The following DCC variants were observed in gnomAD, a reference collection of about 807,000 sequenced individuals.
DCC encodes the protein netrin receptor DCC.
Under a neutral mutation model 172.5 loss-of-function variants are expected in DCC, and 58 were observed. The ratio of observed to expected loss-of-function variants is 0.34; its 90% CI spans 0.27 to 0.42. The LOEUF is 0.42. Among genes scored for constraint, DCC ranks in the 10% least tolerant of loss-of-function variants. DCC has a pLI of 1.00. For missense variants in DCC, 1,740 were observed against 1,791.0 expected (o/e 0.97, Z 0.51); for synonymous variants, 709 against 644.5 (o/e 1.10, Z -1.52).
chr18:53,410,093 T>C (rs1308582580), intron 19 of DCC, among the ~76,000 whole-genome samples: 9 of 152,226 alleles, frequency 5.9e-5, no homozygotes, highest in African/African-American at 1.9e-4. Flanking sequence ...ATTTTCATCA[T>C]TGGACTACAG....
intron 19 of DCC, among the ~76,000 whole-genome samples, chr18:53,403,230 A>G (rs1176696445): frequency 1.3e-5 from 2 of 152,162 alleles, no homozygotes; most frequent in Non-Finnish European, 2.9e-5. Flanking sequence ...CTGAGTATAA[A>G]TGTCTATAAA....
At chr18:53,035,739 G>T (rs973080136) in intron 5 of DCC, among the ~76,000 whole-genome samples, 10 of 151,988 alleles carry the variant, frequency 6.6e-5, no homozygotes, top group African/African-American at 2.2e-4. Context: ...AGCCTTTATA[G>T]ACTGCACTAT....
chr18:53,458,451 T>A (rs1014782947), intron 23 of DCC, among the ~76,000 whole-genome samples: 1 of 152,218 alleles, frequency 6.6e-6, no homozygotes, highest in African/African-American at 2.4e-5. Context: ...ACTGACCCCC[T>A]GCTGTAGAGA....
At position 53,159,008 on chromosome 18, in the gene DCC, A is replaced by AAAAAAAAAAAAAAAAAAAAAAAAAAG. The variant is rs34406723; in HGVS notation, c.1418+1496_1418+1497insAAAAAAAAAAAAAAAAAAAAAAAAAG. Among the ~76,000 whole-genome samples, 44 of 119,162 alleles carry AAAAAAAAAAAAAAAAAAAAAAAAAAG rather than the reference A, an allele frequency of 3.7e-4. 4 individuals are homozygous for AAAAAAAAAAAAAAAAAAAAAAAAAAG. Among genetic ancestry groups the AAAAAAAAAAAAAAAAAAAAAAAAAAG allele is most frequent in the African/African-American group, 9.5e-4 (29 of 30,648 alleles). 78.2% of individuals were successfully genotyped at this position (119,162 alleles called of 152,430 possible). ...CATCTCAAAAAAAAAAAAAAAAAGA[A>AAAAAAAAAAAAAAAAAAAAAAAAAAG]GAAGATGTAGGCATACCCATATTGC... On this transcript the variant is annotated intron_variant, in intron 8 of 28. Transcript: ENST00000442544.
rs115669072 is a variant in DCC, at chr18:52,392,889, C to G, written c.91+52011C>G. ...AATACCAATAGCATCCTGTTTCTGG[C>G]AAAAAGGAGGAAGAATATAATGTTA... On this transcript the variant is annotated intron_variant, in intron 1 of 28. Coordinates refer to ENST00000442544, the MANE Select transcript of DCC (RefSeq NM_005215.4). 9.2e-3 allele frequency among the ~76,000 whole-genome samples: 1,395 copies of G among 152,002 alleles called. 23 individuals carry two copies. Among genetic ancestry groups the G allele is most frequent in the African/African-American group, 0.032 (1,310 of 41,492 alleles).
chr18:52,442,882 C>T (rs1300930097), intron 1 of DCC, among the ~76,000 whole-genome samples: 1 of 152,108 alleles, frequency 6.6e-6, no homozygotes, highest in East Asian at 1.9e-4. Context: ...TCATGGGGAT[C>T]AGGGGTAAAG....
chr18:53,410,777 TTAAAA>T, intron 20 of DCC, 131 bp downstream of exon 20: 1 of 692,028 alleles, frequency 1.4e-6, no homozygotes, highest in Non-Finnish European at 2.6e-6. Flanking sequence ...TCAAAATAAA[TTAAAA>T]TGTAGCTTTT....
intron 1 of DCC, among the ~76,000 whole-genome samples, chr18:52,731,609 G>T (rs1415451306): frequency 2.0e-5 from 3 of 152,110 alleles, no homozygotes; most frequent in Non-Finnish European, 4.4e-5. Flanking sequence ...TATTAATACA[G>T]TAGAGTGATC....
chr18:52,911,708 A>C (rs1168442099), intron 3 of DCC, among the ~76,000 whole-genome samples: 1 of 144,620 alleles, frequency 6.9e-6, no homozygotes, highest in Non-Finnish European at 1.5e-5. Flanking sequence ...GCATTACCTG[A>C]TATTTTTGTC....
chr18:52,348,941 G>A (rs891343272), intron 1 of DCC, among the ~76,000 whole-genome samples: 1 of 152,164 alleles, frequency 6.6e-6, no homozygotes, highest in Non-Finnish European at 1.5e-5. Context: ...GAAGCAGGAT[G>A]CTGGGATGCC....
At chr18:53,135,925 T>C (rs1049048242) in intron 7 of DCC, among the ~76,000 whole-genome samples, 4 of 152,142 alleles carry the variant, frequency 2.6e-5, no homozygotes, top group Non-Finnish European at 4.4e-5. Context: ...GCAACTTCTA[T>C]TGATGAAATA....
intron 2 of DCC, among the ~76,000 whole-genome samples, chr18:52,773,797 G>A (rs1035586126): frequency 1.1e-4 from 16 of 152,070 alleles, no homozygotes; most frequent in African/African-American, 3.9e-4. Flanking sequence ...CTAAAGTGCT[G>A]GGATTACAGG....
At chr18:52,628,128 A>G (rs1216171955) in intron 1 of DCC, among the ~76,000 whole-genome samples, 3 of 152,174 alleles carry the variant, frequency 2.0e-5, no homozygotes, top group Non-Finnish European at 4.4e-5. Flanking sequence ...AACTGTGAAA[A>G]TGGTTCACAT....
chr18:52,897,908 A>T lies in DCC; in HGVS notation c.413-8136A>T, dbSNP rs147038965. ...GCTTGCAGAGGGATGTGGCAAGTAC[A>T]GGCCAAAATGAGCTTCTACCAAATG... is the stretch of plus-strand genomic sequence containing the variant. On this transcript the variant is annotated intron_variant, in intron 2 of 28. Coordinates refer to ENST00000442544, the MANE Select transcript of DCC (RefSeq NM_005215.4). Among the ~76,000 whole-genome samples the T allele has an allele frequency of 5.4e-3, 825 of 152,360 alleles. 6 individuals carry two copies. Among genetic ancestry groups the T allele is most frequent in the African/African-American group, 0.019 (793 of 41,588 alleles).
intron 5 of DCC, among the ~76,000 whole-genome samples, chr18:52,987,726 C>T (rs986074692): frequency 1.3e-5 from 2 of 152,110 alleles, no homozygotes; most frequent in African/African-American, 4.8e-5. Flanking sequence ...GGACCACAAG[C>T]ATGGAAACTT....
intron 15 of DCC, among the ~76,000 whole-genome samples, chr18:53,349,318 C>T (rs184535899): frequency 6.6e-6 from 1 of 152,332 alleles, no homozygotes; most frequent in East Asian, 1.9e-4. Flanking sequence ...ACCACCTCAG[C>T]CTGGACTTTA....
chr18:53,020,346 C>A (rs764224922), intron 5 of DCC, among the ~76,000 whole-genome samples: 1 of 151,870 alleles, frequency 6.6e-6, no homozygotes, highest in Non-Finnish European at 1.5e-5. Flanking sequence ...TATTGCAGAG[C>A]CAAGGAGAGA....
At chr18:53,141,360 A>G (rs988726916) in intron 7 of DCC, among the ~76,000 whole-genome samples, 2 of 152,220 alleles carry the variant, frequency 1.3e-5, no homozygotes, top group Non-Finnish European at 2.9e-5. Context: ...CAAAGGGTGG[A>G]CCAGAATATA....
chr18:52,575,290 A>C (rs1480616541), intron 1 of DCC, among the ~76,000 whole-genome samples: 1 of 152,198 alleles, frequency 6.6e-6, no homozygotes, highest in Non-Finnish European at 1.5e-5. Context: ...AAATTACTAA[A>C]ATATACATAC....
Sources: gnomAD v4.1 joint callset for allele counts (sites outside exome capture counted in the v4.1 genomes callset) on GRCh38, gnomAD v4.1.1 for gene constraint, MANE v1.5 for transcripts, NCBI Gene and HGNC (gene_info 2026-07-23, HGNC 2026-07-21) for gene names.